The following EML6 variants were observed in gnomAD, a reference collection of about 807,000 sequenced individuals.
EML6 encodes echinoderm microtubule-associated protein-like 6.
EML6 carries 154 observed loss-of-function variants against 240.1 expected under a neutral mutation model. The ratio of observed to expected loss-of-function variants is 0.64; its 90% CI spans 0.56 to 0.73. The LOEUF is 0.73. EML6 is among the 30% of genes least tolerant of loss of function. The pLI, the probability that EML6 is intolerant of heterozygous loss-of-function variation, is 0.00. For missense variants in EML6, 2,964 were observed against 2,474.6 expected (o/e 1.20, Z -4.20); for synonymous variants, 1,148 against 899.0 (o/e 1.28, Z -4.95).
chr2:54,812,386 A>C lies in EML6; in HGVS notation c.198-846A>C, dbSNP rs1476580723. ...CAGATACTGAAAATTGGAATGGGAA[A>C]ATTTGTATTTGTTGATTGTATAAGC... On this transcript the variant is annotated intron_variant, in intron 2 of 41. Transcript: ENST00000356458. 2.6e-5 allele frequency among the ~76,000 whole-genome samples: 4 copies of C among 152,266 alleles called. No homozygotes were observed. The East Asian group carries it at 7.7e-4, about 29-fold the overall frequency.
intron 28 of EML6, among the ~76,000 whole-genome samples, chr2:54,936,572 C>T (rs974679156): frequency 1.3e-5 from 2 of 152,116 alleles, no homozygotes; most frequent in African/African-American, 2.4e-5. Context: ...ACTCACTTAA[C>T]CTTTATGTTT....
At chr2:54,969,965 C>CA in intron 41 of EML6, 106 bp from the exon 42 acceptor site, 1 of 1,167,674 alleles carries the variant, frequency 8.6e-7, no homozygotes, top group Non-Finnish European at 1.3e-6. Context: ...ATGTTCAATA[C>CA]ATCACCCGAG....
At chr2:54,810,350 A>G (rs916446034) in intron 2 of EML6, among the ~76,000 whole-genome samples, 17 of 152,210 alleles carry the variant, frequency 1.1e-4, no homozygotes, top group African/African-American at 4.1e-4. Flanking sequence ...CTTATTGAGT[A>G]ACTAAGGCTC....
intron 2 of EML6, among the ~76,000 whole-genome samples, chr2:54,792,910 CA>C (rs961968755): frequency 6.6e-6 from 1 of 151,504 alleles, no homozygotes; most frequent in Non-Finnish European, 1.5e-5. Context: ...TTATAAAAAG[CA>C]AAAAAAAGAA....
At chr2:54,858,154 C>T (rs1216820901) in intron 11 of EML6, among the ~76,000 whole-genome samples, 2 of 152,300 alleles carry the variant, frequency 1.3e-5, no homozygotes, top group South Asian at 2.1e-4. Flanking sequence ...AGATGGCTCA[C>T]TCATGTGGCT....
At chr2:54,857,209 C>T (rs926552140) in intron 11 of EML6, among the ~76,000 whole-genome samples, 7 of 152,118 alleles carry the variant, frequency 4.6e-5, no homozygotes, top group African/African-American at 1.4e-4. Context: ...TCCGGGTGGA[C>T]GTGGCACAGA....
chr2:54,753,209 A>T (rs1210797290), intron 2 of EML6, among the ~76,000 whole-genome samples: 1 of 152,170 alleles, frequency 6.6e-6, no homozygotes, highest in African/African-American at 2.4e-5. Flanking sequence ...AGTTTTAATT[A>T]TCCTGGTGTG....
At chr2:54,954,863 C>T (rs542421998) in intron 32 of EML6, among the ~76,000 whole-genome samples, 2 of 152,242 alleles carry the variant, frequency 1.3e-5, no homozygotes, top group Non-Finnish European at 2.9e-5. Context: ...TGAGGTCTGT[C>T]TGCAGCTAGG....
chr2:54,859,107 A>G (rs1670541252), intron 11 of EML6, among the ~76,000 whole-genome samples: 1 of 152,226 alleles, frequency 6.6e-6, no homozygotes, highest in South Asian at 2.1e-4. Context: ...GGAGGAAAAA[A>G]TGATTCTCCA....
intron 11 of EML6, among the ~76,000 whole-genome samples, chr2:54,857,659 G>T (rs1670459208): frequency 6.6e-6 from 1 of 152,192 alleles, no homozygotes; most frequent in South Asian, 2.1e-4. Flanking sequence ...AAATGAGTTG[G>T]TCAAAGAGGG....
intron 26 of EML6, among the ~76,000 whole-genome samples, chr2:54,920,406 C>A (rs1054356434): frequency 8.6e-5 from 13 of 151,970 alleles, no homozygotes; most frequent in Non-Finnish European, 1.9e-4. Flanking sequence ...AATTGGATAA[C>A]CTGGAAGAAA....
chr2:54,897,495 A>G (rs985481413), intron 21 of EML6, among the ~76,000 whole-genome samples: 1 of 152,216 alleles, frequency 6.6e-6, no homozygotes, highest in Non-Finnish European at 1.5e-5. Context: ...CCACAGTCAC[A>G]TGCTAAGAAC....
chr2:54,939,857 A>T (rs1675339588), intron 28 of EML6, among the ~76,000 whole-genome samples: 1 of 152,236 alleles, frequency 6.6e-6, no homozygotes, highest in African/African-American at 2.4e-5. Flanking sequence ...TTCACTTCAC[A>T]AACTGCCTTC....
chr2:54,785,243 T>C (rs1669029237), intron 2 of EML6, among the ~76,000 whole-genome samples: 1 of 145,370 alleles, frequency 6.9e-6, no homozygotes. Flanking sequence ...TGGCGCAATC[T>C]CGGCTCACCA....
At position 54,725,321 on chromosome 2, in the gene EML6, G is replaced by C. The variant is rs1682863185; in HGVS notation, c.197+63G>C. ...TGTGGAGGCTGGGAAGGTGGGAAGCGGTTGACCTGGGGTCGGATCCGGGAG... is the reference window on the plus strand; with the variant it reads ...TGTGGAGGCTGGGAAGGTGGGAAGCCGTTGACCTGGGGTCGGATCCGGGAG... On this transcript the variant is annotated intron_variant, in intron 2 of 41. Coordinates refer to ENST00000356458, the MANE Select transcript of EML6 (RefSeq NM_001039753.4). This position sits in a 1 kb window ranked among gnomAD's most constrained non-coding sequence, Gnocchi z 4.3. The C allele has an allele frequency of 7.9e-7, 1 of 1,264,824 alleles. No individual in the cohort carries two copies. Among genetic ancestry groups the C allele is most frequent in the Non-Finnish European group, 1.0e-6 (1 of 955,962 alleles). The allele number at this position is 1,264,824 out of a possible 1,614,324, so 78.4% of individuals were successfully genotyped here. A position where few individuals can be genotyped will look rare whatever the true frequency, so the allele number is the denominator to read the frequency against.
intron 19 of EML6, 27 bp from the exon 20 acceptor site, chr2:54,894,888 T>C: frequency 2.7e-6 from 4 of 1,496,470 alleles, no homozygotes; most frequent in Non-Finnish European, 3.6e-6. Flanking sequence ...GATGTGTATA[T>C]AATACCTCTC....
chr2:54,793,742 C>A (rs1172705613), intron 2 of EML6, among the ~76,000 whole-genome samples: 1 of 152,094 alleles, frequency 6.6e-6, no homozygotes, highest in Non-Finnish European at 1.5e-5. Flanking sequence ...TTGTGGACTT[C>A]CAGGAAGCGG....
chr2:54,939,232 C>T (rs999892337), intron 28 of EML6, among the ~76,000 whole-genome samples: 3 of 152,228 alleles, frequency 2.0e-5, no homozygotes, highest in Non-Finnish European at 4.4e-5. Context: ...CCTGGTCATC[C>T]TTCCAGCGCT....
chr2:54,920,891 G>T (rs923119436), intron 26 of EML6, among the ~76,000 whole-genome samples: 32 of 151,988 alleles, frequency 2.1e-4, no homozygotes, highest in African/African-American at 7.7e-4. Flanking sequence ...CACATAAAGA[G>T]AATAAAGGAT....
Sources: gnomAD v4.1 joint callset for allele counts (sites outside exome capture counted in the v4.1 genomes callset) on GRCh38, gnomAD v4.1.1 for gene constraint, Gnocchi (gnomAD v3.1) non-coding constraint, MANE v1.5 for transcripts, NCBI Gene and HGNC (gene_info 2026-07-23, HGNC 2026-07-21) for gene names.